The following PPFIBP1 variants were observed in gnomAD, a reference collection of about 807,000 sequenced individuals.
PPFIBP1 encodes PPFIB scaffold protein 1.
Under a neutral mutation model 137.8 loss-of-function variants are expected in PPFIBP1, and 112 were observed. The observed-to-expected ratio is 0.81, with a 90% CI of 0.70 to 0.95. The LOEUF (loss-of-function observed/expected upper bound fraction) is 0.95, where lower values mean the gene tolerates loss of function less well. Among genes scored for constraint, PPFIBP1 ranks in the 40% least tolerant of loss-of-function variants. The pLI, the probability that PPFIBP1 is intolerant of heterozygous loss-of-function variation, is 0.00. For missense variants in PPFIBP1, 1,083 were observed against 1,196.6 expected, an observed-to-expected ratio of 0.91 and a Z score of 1.40; for synonymous variants, 378 against 417.3, an observed-to-expected ratio of 0.91 and a Z score of 1.15.
chr12:27,551,647 G>T (rs1322023746), intron 1 of PPFIBP1, among the ~76,000 whole-genome samples: 1 of 152,190 alleles, frequency 6.6e-6, no homozygotes, highest in African/African-American at 2.4e-5. Flanking sequence ...GCTACGGCGT[G>T]TAGTCTCCGG....
At chr12:27,671,075 A>C (rs2060166937) in intron 13 of PPFIBP1, among the ~76,000 whole-genome samples, 1 of 151,996 alleles carries the variant, frequency 6.6e-6, no homozygotes, top group South Asian at 2.1e-4. Context: ...AGGCTACGGC[A>C]GGAGACTGCT....
At chr12:27,667,710 G>T (rs991802007) in intron 13 of PPFIBP1, among the ~76,000 whole-genome samples, 3 of 152,220 alleles carry the variant, frequency 2.0e-5, no homozygotes, top group Admixed American at 2.0e-4. Context: ...TCTCGTCTCT[G>T]CTCTACTTGG....
chr12:27,576,551 G>C (rs1455006586), intron 1 of PPFIBP1, among the ~76,000 whole-genome samples: 6 of 152,152 alleles, frequency 3.9e-5, no homozygotes, highest in Admixed American at 1.3e-4. Flanking sequence ...GGGCTAAGTA[G>C]GGAAGAAGAG....
Position 27,689,986 on chromosome 12 carries a change from A to G in PPFIBP1, c.2685+783A>G, listed in dbSNP as rs551245806. ...AAGGGGCGTTCCTTTCTGCATAGGT[A>G]TTTCCCCTCCTCTCTGCTCAAATGG... On this transcript the variant is annotated intron_variant, in intron 27 of 29. Coordinates refer to ENST00000228425, the MANE Select transcript of PPFIBP1 (RefSeq NM_003622.4). 6.6e-5 allele frequency among the ~76,000 whole-genome samples: 10 copies of G among 152,054 alleles called. No individual in the cohort carries two copies. In the South Asian group the frequency reaches 1.9e-3, roughly 28 times the overall value.
chr12:27,592,241 T>C (rs1233364050), intron 2 of PPFIBP1, among the ~76,000 whole-genome samples: 2 of 152,136 alleles, frequency 1.3e-5, no homozygotes, highest in Non-Finnish European at 2.9e-5. Flanking sequence ...GAATATGCAA[T>C]GGAGTTCAAA....
chr12:27,675,898 G>A lies in PPFIBP1; in HGVS notation c.1411-530G>A, dbSNP rs916587802. 3.3e-5 allele frequency among the ~76,000 whole-genome samples: 5 copies of A among 152,166 alleles called. No individual in the cohort carries two copies. In the South Asian group the frequency reaches 1.0e-3, roughly 31 times the overall value. On this transcript the variant is annotated intron_variant, in intron 17 of 29. Coordinates refer to ENST00000228425, the MANE Select transcript of PPFIBP1 (RefSeq NM_003622.4). ...CCTTCATTTTCTTATTCTTTGAGGA[G>A]AATATTTAAAATAACTGGAATAGAA...
chr12:27,546,496 A>G (rs529146072), intron 1 of PPFIBP1, among the ~76,000 whole-genome samples: 17 of 152,252 alleles, frequency 1.1e-4, no homozygotes, highest in South Asian at 2.1e-4. Flanking sequence ...CTGTGACTCT[A>G]ATTCCATCCC....
intron 4 of PPFIBP1, chr12:27,635,541 A>G (rs1002422): frequency 0.32 from 68,499 of 212,042 alleles, 12,010 homozygotes; most frequent in Middle Eastern, 0.41. Context: ...TTACAGCAGT[A>G]TTTGACCGGA....
rs766070687 is a variant in PPFIBP1 at position 27,691,776 on chromosome 12, G to C, written c.2713G>C (p.Gly905Arg). 1.9e-6 allele frequency: 3 copies of C among 1,610,212 alleles called. No homozygotes were observed. In the South Asian group the frequency reaches 3.3e-5, roughly 18 times the overall value. ...KPKKLAFSNF[G>R]NLRKKKQEDG... is the part of the protein sequence containing the mutation. ...AAAGAAACTTGCCTTTAGCAATTTT[G>C]GGAATTTGAGAAAGAAGAAACAGGA... Residue 905 changes from glycine to arginine, a missense_variant, in exon 28 of 30, where the codon GGG becomes CGG. Transcript: ENST00000228425.
intron 1 of PPFIBP1, among the ~76,000 whole-genome samples, chr12:27,575,136 T>C (rs1261947024): frequency 6.6e-6 from 1 of 152,214 alleles, no homozygotes; most frequent in East Asian, 1.9e-4. Context: ...ATAAACATTT[T>C]ATACTTGTGG....
intron 1 of PPFIBP1, among the ~76,000 whole-genome samples, chr12:27,561,099 T>C (rs545612641): frequency 6.6e-6 from 1 of 152,082 alleles, no homozygotes; most frequent in African/African-American, 2.4e-5. Context: ...ATACCTAACA[T>C]AGTGGGGTAT....
chr12:27,612,357 AG>A, intron 2 of PPFIBP1, among the ~76,000 whole-genome samples: 1 of 101,566 alleles, frequency 9.8e-6, no homozygotes, highest in Non-Finnish European at 2.1e-5. Flanking sequence ...TTTTTGAGAC[AG>A]GGTCTCACTC....
intron 24 of PPFIBP1, among the ~76,000 whole-genome samples, chr12:27,683,831 A>G (rs1036255110): frequency 3.9e-5 from 6 of 152,030 alleles, no homozygotes; most frequent in Non-Finnish European, 5.9e-5. Flanking sequence ...TCTGTCGCCC[A>G]GGCTGGAGTG....
intron 1 of PPFIBP1, among the ~76,000 whole-genome samples, chr12:27,568,332 T>C (rs1325050156): frequency 6.6e-6 from 1 of 152,236 alleles, no homozygotes; most frequent in Non-Finnish European, 1.5e-5. Flanking sequence ...GCTGTATTCT[T>C]TTTTGTATTG....
At chr12:27,532,646 G>A (rs990519399) in intron 1 of PPFIBP1, among the ~76,000 whole-genome samples, 1 of 152,134 alleles carries the variant, frequency 6.6e-6, no homozygotes, top group African/African-American at 2.4e-5. Flanking sequence ...ATTAGAAGAG[G>A]TGGGATTTGA....
Position 27,646,098 on chromosome 12 carries a change from C to T in PPFIBP1, c.307C>T (p.Gln103Ter). 6.2e-7 allele frequency: 1 copy of T among 1,612,050 alleles called. No individual in the cohort carries two copies. Among genetic ancestry groups the T allele is most frequent in the Non-Finnish European group, 8.5e-7 (1 of 1,178,622 alleles). ...CCTACCAGGGAACGGAGATGTGTAT[C>T]AAGAAAGGCTGGCACGTTTAGAAAA... ...GHLPGNGDVY[Q>*]ERLARLENDK... The change falls in exon 5 of 30, where the codon CAA becomes TAA. Residue 103 changes from glutamine to a stop codon, truncating the protein, a stop_gained. Transcript: ENST00000228425. LOFTEE classifies it high-confidence loss of function.
At chr12:27,567,391 A>G (rs1016752268) in intron 1 of PPFIBP1, among the ~76,000 whole-genome samples, 1 of 152,222 alleles carries the variant, frequency 6.6e-6, no homozygotes, top group East Asian at 1.9e-4. Flanking sequence ...CTGACTAGAA[A>G]TGGGGTGATG....
intron 1 of PPFIBP1, among the ~76,000 whole-genome samples, chr12:27,535,692 C>T (rs1214403804): frequency 6.6e-6 from 1 of 152,174 alleles, no homozygotes; most frequent in Non-Finnish European, 1.5e-5. Flanking sequence ...AGCCACTGCG[C>T]CCAGTGCAAT....
At chr12:27,658,137 T>TGAA (rs2059328719) in intron 9 of PPFIBP1, among the ~76,000 whole-genome samples, 1 of 41,022 alleles carries the variant, frequency 2.4e-5, no homozygotes, top group Non-Finnish European at 4.5e-5. Context: ...ATCCTGTCTC[T>TGAA]GAAAAAAAAA....
Sources: allele counts gnomAD v4.1 joint callset (sites outside exome capture counted in the v4.1 genomes callset), GRCh38; gene constraint gnomAD v4.1.1; transcripts MANE v1.5; gene names NCBI Gene and HGNC (gene_info 2026-07-23, HGNC 2026-07-21).